Variants in ZNF875 observed in about 807,000 individuals in gnomAD.
ZNF875 encodes HKR1, GLI-Kruppel zinc finger family member.
In ZNF875, 14 loss-of-function variants were observed where a neutral mutation model predicts 11.2. That is an observed-to-expected ratio of 1.26 (90% CI 0.83 to 1.96). ZNF875 has a LOEUF of 1.96. ZNF875 is among the 30% of genes most tolerant of loss of function. The pLI, the probability that ZNF875 is intolerant of heterozygous loss-of-function variation, is 0.00. For synonymous variants in ZNF875, 301 were observed against 281.1 expected (o/e 1.07, Z -0.71); for missense variants, 752 against 760.4 (o/e 0.99, Z 0.13).
intron 4 of ZNF875, among the ~76,000 whole-genome samples, chr19:37,351,185 TTTAA>T (rs1199916443): frequency 6.6e-6 from 1 of 152,312 alleles, no homozygotes; most frequent in East Asian, 1.9e-4. Flanking sequence ...ATTTGTGTAT[TTTAA>T]TTAATTTGTC....
In ZNF875 at chr19:37,363,612, C is replaced by G. The variant is rs374064292; in HGVS notation, c.1760C>G (p.Pro587Arg). Residue 587 changes from proline (P) to arginine (R), a missense_variant, in exon 5 of 5, where the codon CCT (proline) becomes CGT (arginine). Coordinates refer to ENST00000392153, the MANE Select transcript of ZNF875 (RefSeq NM_001353803.2). ...CAGAGAGCACACGCAGGGGGGAAGC[C>G]TCATGTGTGCAGGGAGTGTGGGCAA... ...KHQRAHAGGKPHVCRECGQGF... is the reference protein window; with the variant it reads ...KHQRAHAGGKRHVCRECGQGF... 6.2e-6 allele frequency: 10 copies of G among 1,613,810 alleles called. No individual in the cohort carries two copies. Among genetic ancestry groups the G allele is most frequent in the South Asian group, 1.1e-5 (1 of 91,052 alleles).
chr19:37,360,164 A>G (rs2039666953), intron 4 of ZNF875, among the ~76,000 whole-genome samples: 1 of 152,194 alleles, frequency 6.6e-6, no homozygotes. Flanking sequence ...TGTCCTTACA[A>G]TCTCATATAA....
intron 1 of ZNF875, among the ~76,000 whole-genome samples, chr19:37,320,957 C>T (rs2031301614): frequency 6.6e-6 from 1 of 152,190 alleles, no homozygotes; most frequent in African/African-American, 2.4e-5. Flanking sequence ...TCTGTTGGCT[C>T]AAGGTTTAAT....
At chr19:37,348,996 G>C (rs929646609) in intron 4 of ZNF875, among the ~76,000 whole-genome samples, 4 of 152,188 alleles carry the variant, frequency 2.6e-5, no homozygotes, top group African/African-American at 9.7e-5. Flanking sequence ...TGTTGGTAGG[G>C]TTGGTTCCTT....
chr19:37,342,131 C>T (rs191074540), intron 2 of ZNF875, among the ~76,000 whole-genome samples: 48 of 152,272 alleles, frequency 3.2e-4, no homozygotes, highest in South Asian at 1.9e-3. Flanking sequence ...TTTTGTCCAG[C>T]GTGGAGACTC....
At chr19:37,331,562 CAG>C (rs902790127), upstream of ZNF875, among the ~76,000 whole-genome samples, 3 of 149,422 alleles carry the variant, frequency 2.0e-5, no homozygotes, top group African/African-American at 4.9e-5. Context: ...TGTGTCAACT[CAG>C]AGTTAAATGG....
intron 2 of ZNF875, among the ~76,000 whole-genome samples, chr19:37,345,756 A>G (rs767214963): frequency 3.3e-5 from 5 of 152,232 alleles, no homozygotes; most frequent in Non-Finnish European, 7.3e-5. Flanking sequence ...AAAGCAGTAT[A>G]TGGGTCAAAT....
Position 37,320,122 on chromosome 19 carries a change from G to A in ZNF875, c.-747+1936G>A, listed in dbSNP as rs187840677. On this transcript the variant is annotated intron_variant, in intron 1 of 5. Transcript: ENST00000544914. ...GATCTCCTGACTTCGTAATCCACCC[G>A]CCTCGGCCTCCCAAAGTGCTGGGAT... 2.5e-3 allele frequency among the ~76,000 whole-genome samples: 382 copies of A among 152,224 alleles called. 3 individuals carry two copies. Among genetic ancestry groups the A allele is most frequent in the South Asian group, 0.025 (120 of 4,820 alleles).
chr19:37,348,336 A>T (rs1237793943), intron 4 of ZNF875, among the ~76,000 whole-genome samples: 18 of 152,172 alleles, frequency 1.2e-4, no homozygotes, highest in South Asian at 2.1e-4. Flanking sequence ...CTTAAGAAAT[A>T]AAAAATGACC....
At chr19:37,325,950 C>T (rs987565592) in intron 4 of ZNF875, among the ~76,000 whole-genome samples, 1 of 152,126 alleles carries the variant, frequency 6.6e-6, no homozygotes, top group African/African-American at 2.4e-5. Flanking sequence ...CTCAAGTGAT[C>T]CACCCACCTT....
chr19:37,346,066 G>C (rs1362529580), intron 2 of ZNF875, among the ~76,000 whole-genome samples: 1 of 152,132 alleles, frequency 6.6e-6, no homozygotes, highest in Non-Finnish European at 1.5e-5. Flanking sequence ...CATGCACATG[G>C]AACTGATGTC....
chr19:37,356,948 A>G (rs1420257166), intron 4 of ZNF875, among the ~76,000 whole-genome samples: 2 of 152,170 alleles, frequency 1.3e-5, no homozygotes, highest in Non-Finnish European at 2.9e-5. Context: ...TAGGAATTTT[A>G]TAGTTTGAGG....
chr19:37,347,426 A>C, intron 3 of ZNF875, 110 bp downstream of exon 3: 1 of 1,082,194 alleles, frequency 9.2e-7, no homozygotes, highest in Non-Finnish European at 1.3e-6. Context: ...GAGCTTGAAA[A>C]CAATTTACTT....
intron 4 of ZNF875, among the ~76,000 whole-genome samples, chr19:37,349,398 T>C (rs1362087830): frequency 6.6e-6 from 1 of 152,214 alleles, no homozygotes; most frequent in Non-Finnish European, 1.5e-5. Context: ...CCTAATACTT[T>C]GTGTGGTCAG....
At position 37,363,256 on chromosome 19, in the gene ZNF875, C is replaced by G. The variant is rs749379348; in HGVS notation, c.1404C>G (p.His468Gln). The change falls in exon 5 of 5, where the codon CAC (histidine) becomes CAG (glutamine). Residue 468 changes from histidine to glutamine, a missense_variant. His to Gln is a conservative substitution (Grantham distance 24). Coordinates refer to ENST00000392153, the MANE Select transcript of ZNF875 (RefSeq NM_001353803.2). Reference protein sequence around the residue: ...CFSLKSNLNKHQRSHTGEKPF... With the variant: ...CFSLKSNLNKQQRSHTGEKPF... ...GCCTGAAGTCAAACCTTAACAAACA[C>G]CAGAGGTCACACACGGGGGAGAAGC... The G allele has an allele frequency of 2.5e-6, 4 of 1,613,896 alleles. No individual in the cohort carries two copies. In the South Asian group the frequency reaches 4.4e-5, roughly 18 times the overall value.
chr19:37,363,771 G>A lies in ZNF875; in HGVS notation c.1919G>A (p.Gly640Glu). 2 of 1,613,312 alleles carry A rather than the reference G, an allele frequency of 1.2e-6. No homozygotes were observed. The highest frequency in any genetic ancestry group is 1.7e-6 in the Non-Finnish European group (2 of 1,179,406). ...ATCAGACATCAGAGGACACACTCAG[G>A]ATAGAAACTTTATGTGTATAGGGAA... ...NLIRHQRTHSG is the reference protein window; with the variant it reads ...NLIRHQRTHSE The change falls in exon 5 of 5, where the codon GGA (glycine) becomes GAA (glutamate). Residue 640 changes from glycine to glutamate, a missense_variant. Gly to Glu is a moderately conservative substitution (Grantham distance 98). Transcript: ENST00000392153.
chr19:37,340,242 A>G (rs967552531), intron 2 of ZNF875, among the ~76,000 whole-genome samples: 1 of 152,206 alleles, frequency 6.6e-6, no homozygotes, highest in African/African-American at 2.4e-5. Context: ...TCGGCCTCCC[A>G]AAGTGCTGGG....
At position 37,363,902 on chromosome 19, in the gene ZNF875, T is replaced by G. The variant is rs1053596869; in HGVS notation, c.*127T>G. The G allele has an allele frequency of 1.1e-5, 8 of 715,328 alleles. No individual in the cohort carries two copies. The highest frequency in any genetic ancestry group is 9.6e-6 in the Non-Finnish European group (4 of 417,598). 44.3% of individuals were successfully genotyped at this position (715,328 alleles called of 1,614,324 possible). Reference sequence around the variant, plus strand: ...GCTAGATACCAAAGTGGAGACATTCTGTGTGTGATTATGCATGAGACTGTA... The same window carrying G: ...GCTAGATACCAAAGTGGAGACATTCGGTGTGTGATTATGCATGAGACTGTA... On this transcript the variant is annotated 3_prime_UTR_variant, in exon 5 of 5. Coordinates refer to ENST00000392153, the MANE Select transcript of ZNF875 (RefSeq NM_001353803.2).
chr19:37,322,161 G>T (rs889777485), intron 1 of ZNF875: 1 of 152,066 alleles, frequency 6.6e-6, no homozygotes, highest in Non-Finnish European at 1.5e-5. Context: ...CCTTCTGTTT[G>T]TGCTGATATT....
Sources: allele counts gnomAD v4.1 joint callset (sites outside exome capture counted in the v4.1 genomes callset), GRCh38; gene constraint gnomAD v4.1.1; transcripts MANE v1.5; gene names NCBI Gene and HGNC (gene_info 2026-07-23, HGNC 2026-07-21).